The following SPAG16 variants were observed in gnomAD, a reference collection of about 807,000 sequenced individuals.
SPAG16 encodes the protein sperm-associated antigen 16 protein.
Under a neutral mutation model 80.4 loss-of-function variants are expected in SPAG16, and 86 were observed. The observed-to-expected ratio is 1.07, with a 90% CI of 0.90 to 1.28. The LOEUF (loss-of-function observed/expected upper bound fraction) is 1.28. Ranked by LOEUF, SPAG16 falls within the 50% of genes most tolerant of loss-of-function variation. The pLI, the probability that SPAG16 is intolerant of heterozygous loss-of-function variation, is 0.00. For missense variants in SPAG16, 870 were observed against 765.3 expected (o/e 1.14, Z -1.61); for synonymous variants, 294 against 265.9 (o/e 1.11, Z -1.03).
intron 12 of SPAG16, among the ~76,000 whole-genome samples, chr2:214,012,856 AGATCAGTG>A (rs2047382191): frequency 6.6e-6 from 1 of 152,196 alleles, no homozygotes; most frequent in Admixed American, 6.5e-5. Flanking sequence ...CTAATAGTTT[AGATCAGTG>A]GTTCTCAAAC....
intron 11 of SPAG16, among the ~76,000 whole-genome samples, chr2:213,914,653 TTCTTC>T (rs777125979): frequency 2.0e-5 from 3 of 152,216 alleles, no homozygotes; most frequent in Non-Finnish European, 2.9e-5. Context: ...TTTAAAACAT[TTCTTC>T]TCTTATGTAT....
intron 10 of SPAG16, among the ~76,000 whole-genome samples, chr2:213,829,461 G>T (rs2073497410): frequency 6.6e-6 from 1 of 152,088 alleles, no homozygotes; most frequent in African/African-American, 2.4e-5. Context: ...TGAAATTAAG[G>T]ACCCTCAGAG....
chr2:213,656,327 C>T (rs1053658231), intron 10 of SPAG16, among the ~76,000 whole-genome samples: 1 of 152,204 alleles, frequency 6.6e-6, no homozygotes. Flanking sequence ...CCTGCCACCA[C>T]GCCCAGCTAA....
intron 12 of SPAG16, among the ~76,000 whole-genome samples, chr2:213,970,137 G>A (rs749186920): frequency 6.6e-6 from 1 of 151,914 alleles, no homozygotes; most frequent in Non-Finnish European, 1.5e-5. Flanking sequence ...TCAGGGTTTT[G>A]CCCTCATGAC....
chr2:214,016,747 A>T (rs1029557787), intron 13 of SPAG16, among the ~76,000 whole-genome samples: 4 of 152,170 alleles, frequency 2.6e-5, no homozygotes, highest in African/African-American at 9.6e-5. Context: ...AATATGTGTA[A>T]AACAAGGCCT....
At chr2:213,700,185 T>G (rs1226287035) in intron 10 of SPAG16, among the ~76,000 whole-genome samples, 1 of 152,106 alleles carries the variant, frequency 6.6e-6, no homozygotes, top group Non-Finnish European at 1.5e-5. Context: ...AGCATTGATT[T>G]GATGTTATAG....
chr2:213,907,371 C>A (rs2106151109), intron 11 of SPAG16, among the ~76,000 whole-genome samples: 1 of 149,668 alleles, frequency 6.7e-6, no homozygotes, highest in East Asian at 2.0e-4. Flanking sequence ...TCAAAGAGAA[C>A]AAAATAAAAA....
At chr2:214,000,388 T>C (rs1037379259) in intron 12 of SPAG16, among the ~76,000 whole-genome samples, 3 of 152,210 alleles carry the variant, frequency 2.0e-5, no homozygotes, top group African/African-American at 7.2e-5. Context: ...TCCCCTACCA[T>C]ATGGAACTGT....
intron 10 of SPAG16, among the ~76,000 whole-genome samples, chr2:213,783,170 A>G (rs1416624935): frequency 6.7e-6 from 1 of 150,304 alleles, no homozygotes. Context: ...TTCTTGCGAT[A>G]GTTTACTGAG....
At chr2:213,852,597 A>G (rs2074962998) in intron 10 of SPAG16, among the ~76,000 whole-genome samples, 1 of 152,092 alleles carries the variant, frequency 6.6e-6, no homozygotes, top group Non-Finnish European at 1.5e-5. Flanking sequence ...GACTGAAACC[A>G]TCTGCCCTTA....
intron 8 of SPAG16, among the ~76,000 whole-genome samples, chr2:213,367,064 G>T (rs147403891): frequency 0.015 from 2,252 of 152,094 alleles, 30 homozygotes; most frequent in South Asian, 0.037. Context: ...TGAGATAGTT[G>T]GCTGAGAACG....
At chr2:213,905,375 T>C (rs1276590783) in intron 11 of SPAG16, among the ~76,000 whole-genome samples, 1 of 152,232 alleles carries the variant, frequency 6.6e-6, no homozygotes, top group African/African-American at 2.4e-5. Context: ...TACCATGTTA[T>C]GAAATAAAGC....
intron 11 of SPAG16, among the ~76,000 whole-genome samples, chr2:213,896,474 A>C (rs1014631900): frequency 1.3e-5 from 2 of 151,788 alleles, no homozygotes; most frequent in African/African-American, 4.8e-5. Context: ...CAGTATATCG[A>C]AGAGACATTA....
intron 13 of SPAG16, among the ~76,000 whole-genome samples, chr2:214,037,401 T>C (rs911517666): frequency 1.3e-5 from 2 of 152,076 alleles, no homozygotes; most frequent in African/African-American, 4.8e-5. Flanking sequence ...GAGATTAAAT[T>C]GTAATATTTA....
chr2:213,606,988 C>A (rs1015385201), intron 10 of SPAG16, among the ~76,000 whole-genome samples: 1 of 152,064 alleles, frequency 6.6e-6, no homozygotes, highest in African/African-American at 2.4e-5. Flanking sequence ...AGCAGAGACA[C>A]GTAATAGAGT....
chr2:213,940,261 T>C (rs2079144298), intron 12 of SPAG16, among the ~76,000 whole-genome samples: 1 of 152,176 alleles, frequency 6.6e-6, no homozygotes, highest in African/African-American at 2.4e-5. Context: ...ATTTATTTCA[T>C]TGCATATTTT....
intron 13 of SPAG16, among the ~76,000 whole-genome samples, chr2:214,037,226 CAT>C (rs77142117): frequency 0.26 from 38,880 of 151,612 alleles, 5,402 homozygotes; most frequent in Non-Finnish European, 0.29. Context: ...TTAATATACA[CAT>C]ATATGTGTAT....
intron 1 of SPAG16, among the ~76,000 whole-genome samples, chr2:213,287,527 T>G (rs570597345): frequency 6.6e-6 from 1 of 152,326 alleles, no homozygotes; most frequent in South Asian, 2.1e-4. Flanking sequence ...TTCAAGGTAT[T>G]GTTTTTGTTA....
intron 15 of SPAG16, among the ~76,000 whole-genome samples, chr2:214,212,526 G>T (rs1207727112): frequency 6.6e-6 from 1 of 151,992 alleles, no homozygotes; most frequent in Non-Finnish European, 1.5e-5. Flanking sequence ...GGCTTCACAA[G>T]GGCTTCCACC....
Sources: allele counts gnomAD v4.1 joint callset (sites outside exome capture counted in the v4.1 genomes callset), GRCh38; gene constraint gnomAD v4.1.1; transcripts MANE v1.5; gene names NCBI Gene and HGNC (gene_info 2026-07-23, HGNC 2026-07-21).